The following ARHGAP22 variants were observed in gnomAD, a reference collection of about 807,000 sequenced individuals.
The protein encoded by ARHGAP22 is Rho GTPase activating protein 22, also known as rho GTPase-activating protein 22.
Under a neutral mutation model 59.1 loss-of-function variants are expected in ARHGAP22, and 48 were observed. The observed-to-expected ratio is 0.81, with a 90% CI of 0.64 to 1.03. ARHGAP22 has a LOEUF of 1.03. Among genes scored for constraint, ARHGAP22 ranks in the 50% least tolerant of loss-of-function variants. ARHGAP22 has a pLI of 0.00. For synonymous variants in ARHGAP22, 445 were observed against 416.4 expected, an observed-to-expected ratio of 1.07 and a Z score of -0.84; for missense variants, 1,015 against 958.7, an observed-to-expected ratio of 1.06 and a Z score of -0.78.
At chr10:48,475,291 C>A (rs910917960) in intron 4 of ARHGAP22, among the ~76,000 whole-genome samples, 1 of 152,108 alleles carries the variant, frequency 6.6e-6, no homozygotes, top group Non-Finnish European at 1.5e-5. Flanking sequence ...TCTTTCTCAC[C>A]CCTCTGCTGT....
intron 1 of ARHGAP22, among the ~76,000 whole-genome samples, chr10:48,614,641 C>A (rs1384197671): frequency 6.6e-6 from 1 of 152,168 alleles, no homozygotes; most frequent in Admixed American, 6.5e-5. Context: ...TAGAAACTAA[C>A]CAACAGCTTG....
At chr10:48,463,485 C>A (rs879741924) in intron 4 of ARHGAP22, among the ~76,000 whole-genome samples, 1 of 152,196 alleles carries the variant, frequency 6.6e-6, no homozygotes, top group African/African-American at 2.4e-5. Context: ...CTGGCAGTGC[C>A]CCTGGTGCCT....
chr10:48,605,083 C>A (rs890121814), upstream of ARHGAP22: 2 of 1,290,970 alleles, frequency 1.5e-6, no homozygotes, highest in Admixed American at 6.8e-5. Context: ...TGGACCAGGG[C>A]GGGGCAGTCC....
intron 1 of ARHGAP22, among the ~76,000 whole-genome samples, chr10:48,647,258 G>C (rs1053238287): frequency 6.6e-6 from 1 of 152,088 alleles, no homozygotes; most frequent in African/African-American, 2.4e-5. Flanking sequence ...GCTGTGCGTG[G>C]TGGTGGGTGC....
intron 1 of ARHGAP22, among the ~76,000 whole-genome samples, chr10:48,641,486 G>C (rs538238284): frequency 6.6e-6 from 1 of 152,204 alleles, no homozygotes; most frequent in Admixed American, 6.5e-5. Flanking sequence ...CAGAACCAAA[G>C]ACAAAAACCA....
At chr10:48,462,496 A>G (rs1479705148) in intron 4 of ARHGAP22, among the ~76,000 whole-genome samples, 1 of 152,204 alleles carries the variant, frequency 6.6e-6, no homozygotes, top group African/African-American at 2.4e-5. Context: ...CTCAGCATGC[A>G]TGACAGGGAC....
At chr10:48,495,018 A>C (rs963903086) in intron 3 of ARHGAP22, among the ~76,000 whole-genome samples, 1 of 152,196 alleles carries the variant, frequency 6.6e-6, no homozygotes, top group Admixed American at 6.5e-5. Context: ...CTCCCACCCA[A>C]TTAGTCTTAC....
intron 1 of ARHGAP22, among the ~76,000 whole-genome samples, chr10:48,635,234 G>A (rs538571267): frequency 8.5e-5 from 13 of 152,138 alleles, no homozygotes; most frequent in Non-Finnish European, 1.5e-4. Flanking sequence ...CCCCACTTCT[G>A]CACTGGGCCT....
intron 3 of ARHGAP22, among the ~76,000 whole-genome samples, chr10:48,551,812 C>T (rs1197376433): frequency 6.6e-6 from 1 of 152,250 alleles, no homozygotes; most frequent in Non-Finnish European, 1.5e-5. Flanking sequence ...TATGCTGTAT[C>T]AAGTTCCAAG....
At chr10:48,563,149 T>C (rs1201633983) in intron 2 of ARHGAP22, among the ~76,000 whole-genome samples, 1 of 151,858 alleles carries the variant, frequency 6.6e-6, no homozygotes, top group Non-Finnish European at 1.5e-5. Context: ...TAAAGAACTC[T>C]TATGATTATA....
the ARHGAP22 span, among the ~76,000 whole-genome samples, chr10:48,440,028 G>T: frequency 6.6e-6 from 1 of 152,226 alleles, no homozygotes. Flanking sequence ...GGTAGCAGAA[G>T]CAAGTGTCAG....
intron 3 of ARHGAP22, among the ~76,000 whole-genome samples, chr10:48,503,522 C>T (rs1432331379): frequency 2.0e-5 from 3 of 152,252 alleles, no homozygotes; most frequent in African/African-American, 7.2e-5. Flanking sequence ...CTGCTACCGT[C>T]ACTGGCACCA....
intron 3 of ARHGAP22, among the ~76,000 whole-genome samples, chr10:48,549,244 A>G (rs1372233954): frequency 1.3e-5 from 2 of 152,132 alleles, no homozygotes; most frequent in Non-Finnish European, 2.9e-5. Context: ...CCCAGCTACT[A>G]TTGAGATGGA....
upstream of ARHGAP22, among the ~76,000 whole-genome samples, chr10:48,609,828 C>G (rs983789290): frequency 6.6e-6 from 1 of 152,202 alleles, no homozygotes. Context: ...TTCCTGCCCC[C>G]TCACCCATAA....
upstream of ARHGAP22, chr10:48,655,688 G>GGCGC (rs2062789634): frequency 6.5e-6 from 1 of 153,140 alleles, no homozygotes; most frequent in African/African-American, 2.4e-5. Flanking sequence ...GCAGCAAACG[G>GGCGC]GCGCGCCGTG....
chr10:48,552,301 G>C (rs906674627), intron 3 of ARHGAP22, among the ~76,000 whole-genome samples: 1 of 152,268 alleles, frequency 6.6e-6, no homozygotes, highest in Admixed American at 6.5e-5. Context: ...GTGATCCGGG[G>C]TTTGTCCTCC....
intron 3 of ARHGAP22, 88 bp from the exon 4 acceptor site, chr10:48,479,852 G>A (rs1305294703): frequency 1.5e-6 from 2 of 1,318,584 alleles, no homozygotes; most frequent in Non-Finnish European, 2.0e-6. Context: ...TACTCCCTGT[G>A]GGATATTCCC....
intron 4 of ARHGAP22, among the ~76,000 whole-genome samples, chr10:48,460,873 A>G (rs960530010): frequency 6.6e-6 from 1 of 152,234 alleles, no homozygotes; most frequent in African/African-American, 2.4e-5. Context: ...TGTGAAGTAA[A>G]TCATTCACAA....
chr10:48,515,851 G>T (rs1787219082), intron 3 of ARHGAP22, among the ~76,000 whole-genome samples: 1 of 152,126 alleles, frequency 6.6e-6, no homozygotes. Context: ...AGTGGCATCT[G>T]TGCTAGCATC....
Sources: gnomAD v4.1 joint callset for allele counts (sites outside exome capture counted in the v4.1 genomes callset) on GRCh38, gnomAD v4.1.1 for gene constraint, MANE v1.5 for transcripts, NCBI Gene and HGNC (gene_info 2026-07-23, HGNC 2026-07-21) for gene names.